Variants in HS3ST1 observed in about 807,000 individuals in gnomAD.
The protein encoded by HS3ST1 is heparan sulfate-glucosamine 3-sulfotransferase 1, also known as heparan sulfate glucosamine 3-O-sulfotransferase 1.
HS3ST1 carries 8 observed loss-of-function variants against 20.7 expected under a neutral mutation model. That is an observed-to-expected ratio of 0.39 (90% CI 0.23 to 0.70). The LOEUF is 0.70. Ranked by LOEUF, HS3ST1 falls within the 30% of genes least tolerant of loss-of-function variation. The pLI is 0.46. For missense variants in HS3ST1, 436 were observed against 423.4 expected (o/e 1.03, Z -0.26); for synonymous variants, 205 against 190.4 (o/e 1.08, Z -0.63).
chr4:11,399,333 A>G lies in HS3ST1; in HGVS notation c.673T>C (p.Phe225Leu), dbSNP rs756240710. Residue 225 changes from phenylalanine to leucine, a missense_variant, in exon 2 of 2, where the codon TTC becomes CTC. By Grantham distance (22) the Phe-to-Leu change is conservative. Transcript: ENST00000002596. The surrounding 1 kb of genome is among the most constrained non-coding windows in gnomAD (Gnocchi z 5.1). ...VDGDRLIRDPFPEIQKVERFL... is the reference protein window; with the variant it reads ...VDGDRLIRDPLPEIQKVERFL... ...CTCTCGACCTTTTGGATCTCAGGGA[A>G]GGGGTCCCTGATGAGGCGGTCGCCG... 6.2e-7 allele frequency: 1 copy of G among 1,613,982 alleles called. No individual in the cohort carries two copies. The highest frequency in any genetic ancestry group is 8.5e-7 in the Non-Finnish European group (1 of 1,180,024).
At chr4:11,418,672 G>C (rs866054158) in intron 1 of HS3ST1, among the ~76,000 whole-genome samples, 15 of 152,108 alleles carry the variant, frequency 9.9e-5, no homozygotes, top group African/African-American at 3.6e-4. Flanking sequence ...CAGGCAGGTG[G>C]GGCTTAGGGA....
intron 1 of HS3ST1, among the ~76,000 whole-genome samples, chr4:11,428,095 CAA>C (rs1719108032): frequency 6.6e-6 from 1 of 151,688 alleles, no homozygotes; most frequent in Admixed American, 6.6e-5. Context: ...TAAAAAGTAA[CAA>C]GAAAAAAATC....
At position 11,398,785 on chromosome 4, in the gene HS3ST1, CAT is replaced by C. The variant is rs563200126; in HGVS notation, c.*295_*296del. On this transcript the variant is annotated 3_prime_UTR_variant, in exon 2 of 2. Transcript: ENST00000002596. Reference sequence around the variant, plus strand: ...GGCAAGTTAATTATATTCAAAAAAACATAGCGTCTCCAGAAAAAATCTTTTTT... The same window carrying C: ...GGCAAGTTAATTATATTCAAAAAAACAGCGTCTCCAGAAAAAATCTTTTTT... The C allele has an allele frequency of 4.7e-4, 103 of 220,714 alleles. No homozygotes were observed. Among genetic ancestry groups the C allele is most frequent in the African/African-American group, 2.2e-3 (94 of 43,646 alleles). The allele number at this position is 220,714 out of a possible 1,614,324, so 13.7% of individuals were successfully genotyped here. A position where few individuals can be genotyped will look rare whatever the true frequency, so the allele number is the denominator to read the frequency against.
chr4:11,402,579 A>ATG (rs148223992), intron 1 of HS3ST1, among the ~76,000 whole-genome samples: 39 of 151,704 alleles, frequency 2.6e-4, no homozygotes, highest in South Asian at 4.2e-4. Context: ...GTATGCATGC[A>ATG]TGTGTGTGTG....
chr4:11,404,362 A>G (rs900927780), intron 1 of HS3ST1, among the ~76,000 whole-genome samples: 5 of 152,204 alleles, frequency 3.3e-5, no homozygotes, highest in Admixed American at 2.6e-4. Flanking sequence ...ATCACTATAT[A>G]AAATTAATGA....
Position 11,394,959 on chromosome 4 carries a change from ACATGGGTGC to A in HS3ST1, c.*4114_*4122del, listed in dbSNP as rs1718095300. ...ATACACCTGCACAGGAGCCAAATTC[ACATGGGTGC>A]CTGCTAAGTAAGCTTCCAACACTCC... On this transcript the variant is annotated 3_prime_UTR_variant, in exon 2 of 2. Coordinates refer to ENST00000002596, the MANE Select transcript of HS3ST1 (RefSeq NM_005114.4). The A allele has an allele frequency of 6.6e-6, 1 of 152,226 alleles. No homozygotes were observed. Among genetic ancestry groups the A allele is most frequent in the African/African-American group, 2.4e-5 (1 of 41,452 alleles). The allele number at this position is 152,226 out of a possible 1,614,324, so 9.4% of individuals were successfully genotyped here. A position where few individuals can be genotyped will look rare whatever the true frequency, so the allele number is the denominator to read the frequency against.
In HS3ST1 at chr4:11,394,313, A is replaced by C. The variant is rs1718081379; in HGVS notation, c.*4769T>G. On this transcript the variant is annotated 3_prime_UTR_variant, in exon 2 of 2. Transcript: ENST00000002596. ...CTCTCTCTTTGCTGTTATCTAACTG[A>C]GAAATTTGGGCAAAATAGAGTAAAG... 6.6e-6 allele frequency: 1 copy of C among 152,234 alleles called. No homozygotes were observed. The highest frequency in any genetic ancestry group is 2.4e-5 in the African/African-American group (1 of 41,464). The allele number at this position is 152,234 out of a possible 1,614,324, so 9.4% of individuals were successfully genotyped here.
chr4:11,426,276 C>T (rs1284034946), intron 1 of HS3ST1, among the ~76,000 whole-genome samples: 3 of 152,082 alleles, frequency 2.0e-5, no homozygotes, highest in Non-Finnish European at 4.4e-5. Flanking sequence ...TTTACACCAC[C>T]CAGGCCATCT....
intron 1 of HS3ST1, among the ~76,000 whole-genome samples, chr4:11,403,157 G>A (rs1352127437): frequency 6.6e-6 from 1 of 152,086 alleles, no homozygotes; most frequent in East Asian, 1.9e-4. Context: ...TATCTTTTAT[G>A]TGTATATGTA....
intron 1 of HS3ST1, among the ~76,000 whole-genome samples, chr4:11,423,865 A>C (rs146021829): frequency 1.3e-5 from 2 of 152,156 alleles, no homozygotes; most frequent in East Asian, 3.9e-4. Flanking sequence ...AATTTCCCTC[A>C]TATCCCTGGA....
intron 1 of HS3ST1, among the ~76,000 whole-genome samples, chr4:11,405,318 A>G (rs1201428467): frequency 3.9e-5 from 6 of 152,176 alleles, no homozygotes; most frequent in East Asian, 1.9e-4. Context: ...GGTCCTTCCT[A>G]TCAGCAACAG....
chr4:11,399,649 C>T lies in HS3ST1; in HGVS notation c.357G>A (p.Lys119=). 1 of 1,613,950 alleles carries T rather than the reference C, an allele frequency of 6.2e-7. No individual in the cohort carries two copies. The highest frequency in any genetic ancestry group is 8.5e-7 in the Non-Finnish European group (1 of 1,180,042). Residue 119 remains lysine (K), a synonymous_variant, in exon 2 of 2, where the codon AAG becomes AAA. Coordinates refer to ENST00000002596, the MANE Select transcript of HS3ST1 (RefSeq NM_005114.4). This position sits in a 1 kb window ranked among gnomAD's most constrained non-coding sequence, Gnocchi z 5.1. ...FSWPHQLTVE[K]TPAYFTSPKV... ...TGGGCGACGTGAAATACGCGGGGGTCTTCTCCACTGTGAGCTGGTGTGGCC... is the reference window on the plus strand; with the variant it reads ...TGGGCGACGTGAAATACGCGGGGGTTTTCTCCACTGTGAGCTGGTGTGGCC...
intron 1 of HS3ST1, among the ~76,000 whole-genome samples, chr4:11,417,253 T>A (rs1233025719): frequency 1.3e-5 from 2 of 152,200 alleles, no homozygotes; most frequent in African/African-American, 4.8e-5. Flanking sequence ...AAATGCATTA[T>A]CATATTTAAT....
chr4:11,401,492 G>A (rs1718323243), intron 1 of HS3ST1, among the ~76,000 whole-genome samples: 1 of 152,030 alleles, frequency 6.6e-6, no homozygotes, highest in African/African-American at 2.4e-5. Flanking sequence ...TTACAGGCAT[G>A]TGCCACCACG....
intron 1 of HS3ST1, among the ~76,000 whole-genome samples, chr4:11,412,618 G>A (rs540518768): frequency 1.6e-4 from 25 of 152,242 alleles, no homozygotes; most frequent in African/African-American, 5.5e-4. Context: ...TGGAAAAGAG[G>A]CTGTTTCCTT....
At chr4:11,426,326 G>A (rs1719057535) in intron 1 of HS3ST1, among the ~76,000 whole-genome samples, 1 of 151,498 alleles carries the variant, frequency 6.6e-6, no homozygotes, top group Non-Finnish European at 1.5e-5. Flanking sequence ...TTCAATTCAA[G>A]GCAAGAGAAG....
At chr4:11,405,741 G>A (rs1275786467) in intron 1 of HS3ST1, among the ~76,000 whole-genome samples, 1 of 152,016 alleles carries the variant, frequency 6.6e-6, no homozygotes, top group Non-Finnish European at 1.5e-5. Context: ...GACATCACCT[G>A]AGAGCCTAGA....
At chr4:11,409,000 G>A (rs1227595188) in intron 1 of HS3ST1, among the ~76,000 whole-genome samples, 1 of 152,190 alleles carries the variant, frequency 6.6e-6, no homozygotes, top group Non-Finnish European at 1.5e-5. Context: ...AGACACACAA[G>A]GCATCAGAGG....
chr4:11,395,599 TC>T lies in HS3ST1; in HGVS notation c.*3482del, dbSNP rs1302010526. On this transcript the variant is annotated 3_prime_UTR_variant, in exon 2 of 2. Transcript: ENST00000002596. ...TTCAAGTGGTTCTCTTGCCTCAGTG[TC>T]CTGAGTAGCTGGGATTACAGGCACT... 5 of 151,376 alleles carry T rather than the reference TC, an allele frequency of 3.3e-5. No individual in the cohort carries two copies. Among genetic ancestry groups the T allele is most frequent in the African/African-American group, 1.2e-4 (5 of 41,070 alleles). 9.4% of individuals were successfully genotyped at this position (151,376 alleles called of 1,614,324 possible). A position where few individuals can be genotyped will look rare whatever the true frequency, so the allele number is the denominator to read the frequency against.
Sources: gnomAD v4.1 joint callset for allele counts (sites outside exome capture counted in the v4.1 genomes callset) on GRCh38, gnomAD v4.1.1 for gene constraint, Gnocchi (gnomAD v3.1) non-coding constraint, MANE v1.5 for transcripts, NCBI Gene and HGNC (gene_info 2026-07-23, HGNC 2026-07-21) for gene names.